TRIQK: variants seen among roughly 807,000 people sequenced by gnomAD.
The protein encoded by TRIQK is triple QxxK/R motif-containing protein.
In TRIQK, 10 loss-of-function variants were observed where a neutral mutation model predicts 10.8. That is an observed-to-expected ratio of 0.92 (90% CI 0.57 to 1.57). The LOEUF is 1.57. Among genes scored for constraint, TRIQK ranks in the 40% most tolerant of loss-of-function variants. The pLI is 0.00. For missense variants in TRIQK, 107 were observed against 97.7 expected, an observed-to-expected ratio of 1.09 and a Z score of -0.40; for synonymous variants, 33 against 33.7, an observed-to-expected ratio of 0.98 and a Z score of 0.07.
At chr8:92,912,275 A>G (rs1034702516) in intron 3 of TRIQK, among the ~76,000 whole-genome samples, 27 of 151,854 alleles carry the variant, frequency 1.8e-4, no homozygotes, top group African/African-American at 6.5e-4. Flanking sequence ...CAAAAGGAAA[A>G]TGGGAAATTC....
chr8:92,930,165 G>T (rs1810637721), intron 2 of TRIQK, among the ~76,000 whole-genome samples: 1 of 151,414 alleles, frequency 6.6e-6, no homozygotes, highest in Non-Finnish European at 1.5e-5. Context: ...ATCACCAGAG[G>T]TCGGGAGTTT....
At chr8:92,997,409 T>G (rs1416964277) in intron 1 of TRIQK, among the ~76,000 whole-genome samples, 2 of 152,046 alleles carry the variant, frequency 1.3e-5, no homozygotes, top group Non-Finnish European at 2.9e-5. Context: ...CTAAAGGATT[T>G]AGGACGTTAG....
chr8:92,985,761 C>T (rs1393649655), intron 1 of TRIQK, among the ~76,000 whole-genome samples: 1 of 152,082 alleles, frequency 6.6e-6, no homozygotes, highest in Non-Finnish European at 1.5e-5. Flanking sequence ...AACTGTATTA[C>T]ACATTTTGTG....
At chr8:93,005,499 C>A (rs984133397) in intron 1 of TRIQK, among the ~76,000 whole-genome samples, 8 of 149,312 alleles carry the variant, frequency 5.4e-5, no homozygotes, top group Admixed American at 1.3e-4. Context: ...AGGGTGCAAG[C>A]ATGGTTCAAT....
rs1429219351 is a variant in TRIQK, at chr8:92,990,855, A to T, written c.-181+26754T>A. On this transcript the variant is annotated intron_variant, in intron 1 of 4. Coordinates refer to the TRIQK transcript ENST00000520686. ...GGGCAGACACCAAGCTAGCTGCAGG[A>T]GTTTTTTTTTCATACCCCAGTGGCA... Among the ~76,000 whole-genome samples the T allele has an allele frequency of 3.3e-5, 5 of 152,026 alleles. No individual in the cohort carries two copies. In the East Asian group the frequency reaches 9.7e-4, roughly 29 times the overall value.
intron 3 of TRIQK, among the ~76,000 whole-genome samples, chr8:92,907,580 T>G (rs1586398557): frequency 1.3e-5 from 2 of 152,204 alleles, no homozygotes; most frequent in East Asian, 3.8e-4. Flanking sequence ...AATTTTCAAA[T>G]TATTTCTGGA....
chr8:92,942,874 T>A (rs181897131), intron 2 of TRIQK, among the ~76,000 whole-genome samples: 1 of 152,148 alleles, frequency 6.6e-6, no homozygotes, highest in African/African-American at 2.4e-5. Flanking sequence ...TTTTGTATTT[T>A]AGTAAAGACA....
rs192462948 is a variant in TRIQK, at chr8:93,009,665, T to C, written c.-181+7944A>G. ...CAAGGATGTGGAGAAAAAAGAACCC[T>C]TACACAGGCTATTCAGAATGTAAAC... is the stretch of plus-strand genomic sequence containing the variant. On this transcript the variant is annotated intron_variant, in intron 1 of 4. Coordinates refer to the TRIQK transcript ENST00000520686. Among the ~76,000 whole-genome samples the C allele has an allele frequency of 2.0e-5, 3 of 151,892 alleles. No homozygotes were observed. The East Asian group carries it at 5.8e-4, about 29-fold the overall frequency.
rs375155876 is a variant in TRIQK, at chr8:93,014,595, C to A, written c.-181+3014G>T. On this transcript the variant is annotated intron_variant, in intron 1 of 4. Coordinates refer to the TRIQK transcript ENST00000520686. Reference sequence around the variant, plus strand: ...TGTTATTGCTGTTTAGAGCACCAACCAAATGACATCATAAAAAGTTACTTT... The same window carrying A: ...TGTTATTGCTGTTTAGAGCACCAACAAAATGACATCATAAAAAGTTACTTT... Among the ~76,000 whole-genome samples the A allele has an allele frequency of 2.0e-4, 31 of 152,018 alleles. No homozygotes were observed. In the South Asian group the frequency reaches 6.2e-3, roughly 31 times the overall value.
At chr8:92,975,965 G>A (rs1220784673) in intron 1 of TRIQK, among the ~76,000 whole-genome samples, 1 of 151,846 alleles carries the variant, frequency 6.6e-6, no homozygotes, top group African/African-American at 2.4e-5. Context: ...AATATTTGGA[G>A]ATTATCCAGA....
chr8:93,004,511 A>G (rs1261245074), intron 1 of TRIQK, among the ~76,000 whole-genome samples: 1 of 152,232 alleles, frequency 6.6e-6, no homozygotes, highest in African/African-American at 2.4e-5. Flanking sequence ...TGTCTTGGCT[A>G]TTAACATTGA....
At chr8:92,966,618 A>G (rs943840567), upstream of TRIQK, among the ~76,000 whole-genome samples, 4 of 152,170 alleles carry the variant, frequency 2.6e-5, no homozygotes, top group African/African-American at 9.7e-5. Context: ...CGGGTACTCA[A>G]TTTTCACATC....
chr8:92,991,984 A>T (rs867711488), intron 1 of TRIQK, among the ~76,000 whole-genome samples: 1 of 152,148 alleles, frequency 6.6e-6, no homozygotes, highest in South Asian at 2.1e-4. Flanking sequence ...ACTACAAACC[A>T]CTGCTCAACG....
In TRIQK at chr8:92,997,571, T is replaced by G. The variant is rs552939619; in HGVS notation, c.-181+20038A>C. On this transcript the variant is annotated intron_variant, in intron 1 of 4. Coordinates refer to the TRIQK transcript ENST00000520686. ...CAATAGTGAGAACTGACATTTGTGATTTACTCGTAGATTTTGAAACATTGA... is the reference window on the plus strand; with the variant it reads ...CAATAGTGAGAACTGACATTTGTGAGTTACTCGTAGATTTTGAAACATTGA... Among the ~76,000 whole-genome samples the G allele has an allele frequency of 1.1e-4, 16 of 152,194 alleles. No homozygotes were observed. The South Asian group carries it at 1.9e-3, about 18-fold the overall frequency.
intron 2 of TRIQK, chr8:92,921,497 A>G (rs1353653445): frequency 2.0e-5 from 3 of 151,736 alleles, no homozygotes; most frequent in East Asian, 1.9e-4. Context: ...TACTTCTAGA[A>G]CTGACCTATA....
At chr8:92,930,816 A>G (rs1025454144) in intron 2 of TRIQK, among the ~76,000 whole-genome samples, 1 of 152,206 alleles carries the variant, frequency 6.6e-6, no homozygotes, top group Non-Finnish European at 1.5e-5. Flanking sequence ...AGAAAATTAA[A>G]TAAAACTCAA....
chr8:92,967,597 G>A (rs1165532594), upstream of TRIQK, among the ~76,000 whole-genome samples: 1 of 151,906 alleles, frequency 6.6e-6, no homozygotes, highest in Non-Finnish European at 1.5e-5. Context: ...TGAGGTGGAC[G>A]GATTGCCTGA....
chr8:92,891,705 T>G (rs1816773497), intron 4 of TRIQK, among the ~76,000 whole-genome samples: 1 of 151,906 alleles, frequency 6.6e-6, no homozygotes, highest in Non-Finnish European at 1.5e-5. Flanking sequence ...CATATATCAC[T>G]GAAATGTCTG....
rs1052010406 is a variant in TRIQK at position 92,956,038 on chromosome 8, CA to C, written c.-180-1475del. Among the ~76,000 whole-genome samples the C allele has an allele frequency of 1.4e-3, 205 of 151,808 alleles. 1 individual carries two copies. Among genetic ancestry groups the C allele is most frequent in the African/African-American group, 4.8e-3 (198 of 41,492 alleles). On this transcript the variant is annotated intron_variant, in intron 1 of 4. Transcript: ENST00000521988. ...AAAATGCACGGAGTTACCACGTGACCAGCAATTTTAGTCTTAGGTATATATC... is the reference window on the plus strand; with the variant it reads ...AAAATGCACGGAGTTACCACGTGACCGCAATTTTAGTCTTAGGTATATATC...
Sources: gnomAD v4.1 joint callset for allele counts (sites outside exome capture counted in the v4.1 genomes callset) on GRCh38, gnomAD v4.1.1 for gene constraint, MANE v1.5 for transcripts, NCBI Gene and HGNC (gene_info 2026-07-23, HGNC 2026-07-21) for gene names.